CFAP206: variants seen among roughly 807,000 people sequenced by gnomAD.
CFAP206 encodes cilia- and flagella-associated protein 206.
Under a neutral mutation model 65.4 loss-of-function variants are expected in CFAP206, and 53 were observed. The observed-to-expected ratio is 0.81, with a 90% CI of 0.65 to 1.02. The LOEUF (loss-of-function observed/expected upper bound fraction) is 1.02. Ranked by LOEUF, CFAP206 falls within the 50% of genes least tolerant of loss-of-function variation. CFAP206 has a pLI of 0.00. For missense variants in CFAP206, 663 were observed against 753.2 expected, an observed-to-expected ratio of 0.88 and a Z score of 1.40; for synonymous variants, 250 against 254.4, an observed-to-expected ratio of 0.98 and a Z score of 0.17.
At chr6:87,441,415 A>G (rs1227752485) in intron 11 of CFAP206, 1 of 156,674 alleles carries the variant, frequency 6.4e-6, no homozygotes, top group African/African-American at 2.4e-5. Context: ...AAGCCAACGT[A>G]AAAAATTCTG....
intron 10 of CFAP206, among the ~76,000 whole-genome samples, chr6:87,433,464 T>G (rs1768195830): frequency 6.6e-6 from 1 of 152,220 alleles, no homozygotes; most frequent in Non-Finnish European, 1.5e-5. Context: ...ATGTAGTATC[T>G]TTTTACAGTG....
intron 11 of CFAP206, among the ~76,000 whole-genome samples, chr6:87,438,696 T>C (rs1319891748): frequency 6.6e-6 from 1 of 152,196 alleles, no homozygotes; most frequent in African/African-American, 2.4e-5. Flanking sequence ...TGGCTCTATT[T>C]GTCAGAGTTT....
rs111497605 is a variant in CFAP206 at position 87,460,520 on chromosome 6, T to C, written c.1495-502T>C. Among the ~76,000 whole-genome samples, 722 of 152,314 alleles carry C rather than the reference T, an allele frequency of 4.7e-3. 3 individuals carry two copies. The highest frequency in any genetic ancestry group is 7.6e-3 in the Non-Finnish European group (518 of 68,028). On this transcript the variant is annotated intron_variant, in intron 11 of 12. Transcript: ENST00000369562. Reference sequence around the variant, plus strand: ...GGATGTTTTCTCCTTCCAAAATACATGTTCTACAGAAAACCAAACACTGCA... The same window carrying C: ...GGATGTTTTCTCCTTCCAAAATACACGTTCTACAGAAAACCAAACACTGCA...
At chr6:87,448,613 C>G (rs1000511394) in intron 11 of CFAP206, among the ~76,000 whole-genome samples, 2 of 152,104 alleles carry the variant, frequency 1.3e-5, no homozygotes, top group African/African-American at 4.8e-5. Context: ...TTCCTCCTAT[C>G]TAACTGTAAT....
At chr6:87,457,935 A>G (rs138030848) in intron 11 of CFAP206, among the ~76,000 whole-genome samples, 377 of 152,368 alleles carry the variant, frequency 2.5e-3, no homozygotes, top group African/African-American at 8.5e-3. Flanking sequence ...TAAGGGACTA[A>G]TAGCCAGAAT....
At chr6:87,447,967 T>TTATTATTATTATTATTATTAC (rs1582148579) in intron 11 of CFAP206, among the ~76,000 whole-genome samples, 1 of 150,906 alleles carries the variant, frequency 6.6e-6, no homozygotes, top group South Asian at 2.1e-4. Flanking sequence ...ATTATTATTA[T>TTATTATTATTATTATTATTAC]TACTATACTT....
Position 87,408,003 on chromosome 6 carries a change from G to T in CFAP206, c.-92G>T, listed in dbSNP as rs1003334351. 1 of 985,640 alleles carries T rather than the reference G, an allele frequency of 1.0e-6. No individual in the cohort carries two copies. Among genetic ancestry groups the T allele is most frequent in the Non-Finnish European group, 1.2e-6 (1 of 830,126 alleles). 61.1% of individuals were successfully genotyped at this position (985,640 alleles called of 1,614,324 possible). ...TCTCCATGGTTACGCGGCGGTGGCTGCGAGCGCCCAACTGCTCCGACCGTC... is the reference window on the plus strand; with the variant it reads ...TCTCCATGGTTACGCGGCGGTGGCTTCGAGCGCCCAACTGCTCCGACCGTC... On this transcript the variant is annotated 5_prime_UTR_variant, in exon 1 of 13. Coordinates refer to ENST00000369562, the MANE Select transcript of CFAP206 (RefSeq NM_001031743.3).
At chr6:87,429,129 G>A (rs1345946580) in intron 9 of CFAP206, among the ~76,000 whole-genome samples, 1 of 152,040 alleles carries the variant, frequency 6.6e-6, no homozygotes. Context: ...GGGAGGCTAA[G>A]GCAGGAGAAT....
chr6:87,426,082 C>T, intron 7 of CFAP206: 1 of 153,368 alleles, frequency 6.5e-6, no homozygotes, highest in East Asian at 1.9e-4. Flanking sequence ...CACTAGCTTG[C>T]CAACCTGCAG....
At chr6:87,460,977 T>C in intron 11 of CFAP206, 45 bp from the exon 12 acceptor site, 1 of 1,510,398 alleles carries the variant, frequency 6.6e-7, no homozygotes, top group Non-Finnish European at 8.9e-7. Flanking sequence ...CAGTAAATAA[T>C]GTTTATTTTT....
intron 11 of CFAP206, among the ~76,000 whole-genome samples, chr6:87,456,764 A>G (rs1582152815): frequency 1.3e-5 from 2 of 152,346 alleles, no homozygotes; most frequent in Non-Finnish European, 2.9e-5. Context: ...CCCATTTTCA[A>G]TAGCTACAAA....
intron 11 of CFAP206, among the ~76,000 whole-genome samples, chr6:87,455,115 T>C (rs1325780399): frequency 6.6e-6 from 1 of 151,720 alleles, no homozygotes. Context: ...AGAGACTGGG[T>C]TTCACCATGT....
intron 3 of CFAP206, among the ~76,000 whole-genome samples, chr6:87,412,212 G>T (rs1181062642): frequency 2.0e-5 from 3 of 152,188 alleles, no homozygotes; most frequent in Non-Finnish European, 4.4e-5. Context: ...TCATGTGGAT[G>T]AGCTATTTTT....
intron 7 of CFAP206, among the ~76,000 whole-genome samples, chr6:87,424,843 G>A (rs2127950379): frequency 6.6e-6 from 1 of 152,282 alleles, no homozygotes; most frequent in Admixed American, 6.5e-5. Context: ...CTATTTAAAT[G>A]TAATTTTAAT....
At chr6:87,410,352 C>T (rs1767712856) in intron 2 of CFAP206, among the ~76,000 whole-genome samples, 1 of 152,144 alleles carries the variant, frequency 6.6e-6, no homozygotes, top group South Asian at 2.1e-4. Context: ...ACTTATTTCC[C>T]CATATAACTT....
At chr6:87,436,447 G>A (rs1768269848) in intron 11 of CFAP206, among the ~76,000 whole-genome samples, 1 of 152,030 alleles carries the variant, frequency 6.6e-6, no homozygotes, top group Non-Finnish European at 1.5e-5. Flanking sequence ...CCATTGACCT[G>A]GCCAGCAGAG....
At chr6:87,427,124 G>A (rs1006333170) in intron 8 of CFAP206, among the ~76,000 whole-genome samples, 2 of 152,122 alleles carry the variant, frequency 1.3e-5, no homozygotes, top group Admixed American at 6.5e-5. Context: ...TGTATGTGCA[G>A]TATTATTTTT....
Position 87,464,259 on chromosome 6 carries a change from A to G in CFAP206, c.*9A>G. 1 of 1,602,524 alleles carries G rather than the reference A, an allele frequency of 6.2e-7. No homozygotes were observed. The highest frequency in any genetic ancestry group is 1.3e-5 in the African/African-American group (1 of 74,766). ...ATGTGGATGAAACCTAATTACAGAC[A>G]ACGTTTTAAAATAGATGCTACTCAA... is the stretch of plus-strand genomic sequence containing the variant. On this transcript the variant is annotated 3_prime_UTR_variant, in exon 13 of 13. Coordinates refer to ENST00000369562, the MANE Select transcript of CFAP206 (RefSeq NM_001031743.3).
chr6:87,443,276 G>A (rs1768386181), intron 11 of CFAP206, among the ~76,000 whole-genome samples: 1 of 151,928 alleles, frequency 6.6e-6, no homozygotes. Flanking sequence ...TTTACTATTT[G>A]TTTAAACTCT....
Sources: allele counts gnomAD v4.1 joint callset (sites outside exome capture counted in the v4.1 genomes callset), GRCh38; gene constraint gnomAD v4.1.1; transcripts MANE v1.5; gene names NCBI Gene and HGNC (gene_info 2026-07-23, HGNC 2026-07-21).